ABCB11: variants seen among roughly 807,000 people sequenced by gnomAD.
ABCB11 encodes bile salt export pump.
Under a neutral mutation model 148.0 loss-of-function variants are expected in ABCB11, and 95 were observed. That is an observed-to-expected ratio of 0.64 (90% CI 0.54 to 0.76). The LOEUF (loss-of-function observed/expected upper bound fraction) is 0.76. Among genes scored for constraint, ABCB11 ranks in the 30% least tolerant of loss-of-function variants. The pLI is 0.00. For synonymous variants in ABCB11, 591 were observed against 555.4 expected, an observed-to-expected ratio of 1.06 and a Z score of -0.90; for missense variants, 1,523 against 1,617.8, an observed-to-expected ratio of 0.94 and a Z score of 1.01.
intron 1 of ABCB11, among the ~76,000 whole-genome samples, chr2:169,023,967 T>C (rs951175439): frequency 6.6e-6 from 1 of 152,160 alleles, no homozygotes; most frequent in African/African-American, 2.4e-5. Context: ...CTCTTTTTTT[T>C]CCTGTGGCTT....
In ABCB11 at chr2:168,944,516, A is replaced by G. The variant is rs1692211952; in HGVS notation, c.2610+89T>C. The G allele has an allele frequency of 2.1e-6, 3 of 1,402,342 alleles. No homozygotes were observed. In the East Asian group the frequency reaches 6.9e-5, roughly 32 times the overall value. 86.9% of individuals were successfully genotyped at this position (1,402,342 alleles called of 1,614,324 possible). A position where few individuals can be genotyped will look rare whatever the true frequency, so the allele number is the denominator to read the frequency against. Reference sequence around the variant, plus strand: ...TCCCAATCCCACTGGTCCCTATTCCATAGAAAACATGCAGGTGATTGTCAG... The same window carrying G: ...TCCCAATCCCACTGGTCCCTATTCCGTAGAAAACATGCAGGTGATTGTCAG... On this transcript the variant is annotated intron_variant, in intron 21 of 27. Transcript: ENST00000650372.
intron 8 of ABCB11, among the ~76,000 whole-genome samples, chr2:168,991,240 T>C (rs1215705909): frequency 6.6e-6 from 1 of 152,154 alleles, no homozygotes; most frequent in African/African-American, 2.4e-5. Flanking sequence ...AGTTAGACCA[T>C]GTCATAGTTC....
chr2:168,931,146 A>G (rs187195574), intron 24 of ABCB11, among the ~76,000 whole-genome samples: 57 of 152,298 alleles, frequency 3.7e-4, no homozygotes, highest in African/African-American at 1.3e-3. Context: ...GACATTCTGA[A>G]TAGAAGAGAA....
Position 168,973,799 on chromosome 2 carries a change from C to G in ABCB11, c.1350G>C (p.Met450Ile). Residue 450 changes from methionine (M) to isoleucine (I), a missense_variant, in exon 13 of 28, where the codon ATG (methionine) becomes ATC (isoleucine). Met to Ile is a conservative substitution (Grantham distance 10, BLOSUM62 1). Transcript: ENST00000650372. The part of the protein sequence containing the change: ...DLNMVIKPGE[M>I]TALVGPSGAG... ...CTCCACTGGGTCCTACCAGAGCTGTCATTTCCCCTGGTTTAATGACCATGT... is the reference window on the plus strand; with the variant it reads ...CTCCACTGGGTCCTACCAGAGCTGTGATTTCCCCTGGTTTAATGACCATGT... 6.2e-7 allele frequency: 1 copy of G among 1,612,126 alleles called. No individual in the cohort carries two copies. Among genetic ancestry groups the G allele is most frequent in the Non-Finnish European group, 8.5e-7 (1 of 1,178,614 alleles).
chr2:169,002,879 G>T (rs1694915975), intron 5 of ABCB11, among the ~76,000 whole-genome samples: 1 of 152,032 alleles, frequency 6.6e-6, no homozygotes, highest in African/African-American at 2.4e-5. Context: ...ACAATGTTTT[G>T]TATGCTTGAA....
intron 22 of ABCB11, among the ~76,000 whole-genome samples, 192 bp from the exon 23 acceptor site, chr2:168,935,617 T>G (rs991157056): frequency 4.6e-5 from 7 of 152,202 alleles, no homozygotes; most frequent in Admixed American, 4.6e-4. Context: ...TCAGTTAAAT[T>G]CAAGTTTCCC....
chr2:168,928,191 T>A (rs1691400314), intron 25 of ABCB11, among the ~76,000 whole-genome samples: 1 of 152,162 alleles, frequency 6.6e-6, no homozygotes. Flanking sequence ...TATAAAGCAT[T>A]TCTCAATAAC....
chr2:168,966,483 A>G (rs1693327735), intron 17 of ABCB11, among the ~76,000 whole-genome samples: 1 of 151,872 alleles, frequency 6.6e-6, no homozygotes, highest in Non-Finnish European at 1.5e-5. Flanking sequence ...CTCATCCACT[A>G]GAAACACCAT....
chr2:169,011,443 C>T (rs1695184564), intron 5 of ABCB11, among the ~76,000 whole-genome samples: 1 of 152,130 alleles, frequency 6.6e-6, no homozygotes, highest in Non-Finnish European at 1.5e-5. Flanking sequence ...ACAAATTGCT[C>T]TGAGTTTGTC....
intron 11 of ABCB11, among the ~76,000 whole-genome samples, chr2:168,978,353 C>A (rs1241776448): frequency 6.6e-6 from 1 of 151,830 alleles, no homozygotes; most frequent in South Asian, 2.1e-4. Context: ...CCAGGCTTGT[C>A]TCAAACTCCT....
intron 21 of ABCB11, among the ~76,000 whole-genome samples, chr2:168,939,113 G>A: frequency 6.6e-6 from 1 of 151,702 alleles, no homozygotes; most frequent in East Asian, 1.9e-4. Context: ...GTAGTTTCCA[G>A]GGAATTTTAT....
chr2:168,944,455 A>T, intron 21 of ABCB11, 150 bp downstream of exon 21: 1 of 786,572 alleles, frequency 1.3e-6, no homozygotes, highest in Non-Finnish European at 1.9e-6. Flanking sequence ...GCTGTTTGTC[A>T]GTGTTAGAAG....
intron 1 of ABCB11, among the ~76,000 whole-genome samples, chr2:169,019,680 T>C (rs940376109): frequency 1.3e-5 from 2 of 152,120 alleles, no homozygotes; most frequent in African/African-American, 4.8e-5. Context: ...AATCAAACTG[T>C]AGTAAAGCAT....
At chr2:168,980,197 A>AT (rs3214428) in intron 10 of ABCB11, among the ~76,000 whole-genome samples, 2 of 151,572 alleles carry the variant, frequency 1.3e-5, no homozygotes, top group African/African-American at 2.4e-5. Context: ...ATACCACTTT[A>AT]TTTTTTTACT....
Position 168,932,383 on chromosome 2 carries a change from T to C in ABCB11, c.3207A>G (p.Glu1069=). 6.4e-7 allele frequency: 1 copy of C among 1,557,852 alleles called. No homozygotes were observed. The highest frequency in any genetic ancestry group is 8.7e-7 in the Non-Finnish European group (1 of 1,150,260). Residue 1069 remains glutamate, a synonymous_variant, in exon 24 of 28, where the codon GAA becomes GAG. Transcript: ENST00000650372. ...ATAGTATTCCAACACTTACCCATTT[T>C]TCACCTGCAGTATTGTATACACTGA... ...PPISVYNTAG[E]KWDNFQGKID... is the part of the protein sequence containing the mutation.
intron 10 of ABCB11, among the ~76,000 whole-genome samples, chr2:168,983,480 T>C (rs1394285291): frequency 6.6e-6 from 1 of 152,206 alleles, no homozygotes; most frequent in African/African-American, 2.4e-5. Flanking sequence ...TTCCCATCCA[T>C]ACTATCTCTT....
chr2:168,944,755 A>C lies in ABCB11; in HGVS notation c.2460T>G (p.Phe820Leu). 6.2e-7 allele frequency: 1 copy of C among 1,612,616 alleles called. No homozygotes were observed. Among genetic ancestry groups the C allele is most frequent in the Non-Finnish European group, 8.5e-7 (1 of 1,179,068 alleles). Residue 820 changes from phenylalanine (F) to leucine (L), a missense_variant, in exon 21 of 28, where the codon TTT (phenylalanine) becomes TTG (leucine). Coordinates refer to ENST00000650372, the MANE Select transcript of ABCB11 (RefSeq NM_003742.4). ...LFTQFLQGYAFAKSGELLTKR... is the reference protein window; with the variant it reads ...LFTQFLQGYALAKSGELLTKR... Reference sequence around the variant, plus strand: ...TTGTTAGGAGCTCCCCAGATTTAGCAAAGGCATATCCCTAAAACATGAAGA... The same window carrying C: ...TTGTTAGGAGCTCCCCAGATTTAGCCAAGGCATATCCCTAAAACATGAAGA...
At chr2:168,989,670 C>T (rs28846465) in intron 9 of ABCB11, among the ~76,000 whole-genome samples, 19,143 of 152,018 alleles carry the variant, frequency 0.13, 1,975 homozygotes, top group African/African-American at 0.28. Flanking sequence ...CAAGAATGGG[C>T]ATTTTTGTCT....
At chr2:168,931,073 A>G (rs1322549584) in intron 24 of ABCB11, among the ~76,000 whole-genome samples, 1 of 152,200 alleles carries the variant, frequency 6.6e-6, no homozygotes, top group Non-Finnish European at 1.5e-5. Flanking sequence ...CAACGAAATT[A>G]AAGACATTTG....
Sources: gnomAD v4.1 joint callset for allele counts (sites outside exome capture counted in the v4.1 genomes callset) on GRCh38, gnomAD v4.1.1 for gene constraint, MANE v1.5 for transcripts, NCBI Gene and HGNC (gene_info 2026-07-23, HGNC 2026-07-21) for gene names.